The following RIMS2 variants were observed in gnomAD, a reference collection of about 807,000 sequenced individuals.
The protein encoded by RIMS2 is regulating synaptic membrane exocytosis protein 2.
RIMS2 carries 59 observed loss-of-function variants against 174.4 expected under a neutral mutation model. The ratio of observed to expected loss-of-function variants is 0.34; its 90% CI spans 0.27 to 0.42. The LOEUF (loss-of-function observed/expected upper bound fraction) is 0.42, where lower values mean the gene tolerates loss of function less well. RIMS2 is among the 10% of genes least tolerant of loss of function. The probability of loss-of-function intolerance (pLI) is 1.00; values close to 1 mark genes in which losing one functional copy is unlikely to be tolerated. For synonymous variants in RIMS2, 606 were observed against 572.5 expected (o/e 1.06, Z -0.84); for missense variants, 1,620 against 1,666.3 (o/e 0.97, Z 0.48).
In RIMS2 at chr8:103,589,009, G is replaced by A. The variant is rs1251498996; in HGVS notation, c.176+87947G>A. 2.4e-4 allele frequency among the ~76,000 whole-genome samples: 37 copies of A among 151,276 alleles called. 1 individual carries two copies. Among genetic ancestry groups the A allele is most frequent in the Admixed American group, 2.4e-3 (37 of 15,174 alleles). Reference sequence around the variant, plus strand: ...GGGAGAAAATATTTGCAAACTACCCGTTTTCACCACTGTGATTCAACATAG... The same window carrying A: ...GGGAGAAAATATTTGCAAACTACCCATTTTCACCACTGTGATTCAACATAG... On this transcript the variant is annotated intron_variant, in intron 1 of 23. Transcript: ENST00000504942.
In RIMS2 at chr8:103,881,687, A is replaced by C. The variant is rs970542359; in HGVS notation, c.699-3611A>C. ...AGCTAGAATATTTAGAAATAGATTGAATAGTCCACATGACAAACAATTGTA... is the reference window on the plus strand; with the variant it reads ...AGCTAGAATATTTAGAAATAGATTGCATAGTCCACATGACAAACAATTGTA... On this transcript the variant is annotated intron_variant, in intron 3 of 23. Transcript: ENST00000504942. Among the ~76,000 whole-genome samples the C allele has an allele frequency of 4.6e-5, 7 of 151,522 alleles. 1 individual carries two copies. In the South Asian group the frequency reaches 1.5e-3, roughly 31 times the overall value.
At chr8:103,652,692 A>C (rs771564979) in intron 1 of RIMS2, 3 of 1,349,954 alleles carry the variant, frequency 2.2e-6, no homozygotes, top group South Asian at 1.1e-5. Context: ...AAACAACAAA[A>C]TGAAAAGGAG....
intron 19 of RIMS2, among the ~76,000 whole-genome samples, chr8:104,219,379 G>T (rs772731037): frequency 6.6e-6 from 1 of 152,050 alleles, no homozygotes; most frequent in Non-Finnish European, 1.5e-5. Context: ...TTTGAGTCTT[G>T]CTCTGCCACT....
intron 4 of RIMS2, among the ~76,000 whole-genome samples, chr8:103,892,441 C>G (rs748291009): frequency 1.3e-5 from 2 of 151,748 alleles, no homozygotes; most frequent in Non-Finnish European, 2.9e-5. Context: ...TGGGCTCCAG[C>G]AATCCTCCTG....
At chr8:103,920,749 G>A in intron 9 of RIMS2, 2 of 454,558 alleles carry the variant, frequency 4.4e-6, no homozygotes, top group Middle Eastern at 3.3e-4. Flanking sequence ...CAGCACTTTG[G>A]GAGGCCGAGG....
rs1590581354 is a variant in RIMS2 at position 103,696,964 on chromosome 8, T to G, written c.177-122T>G. The G allele has an allele frequency of 9.5e-6, 6 of 634,522 alleles. No homozygotes were observed. The East Asian group carries it at 1.7e-4, about 17-fold the overall frequency. The allele number at this position is 634,522 out of a possible 1,614,324, so 39.3% of individuals were successfully genotyped here. ...AATTTATCATCAGAAAATTAAATTT[T>G]CATTCTTTTTATTCTCATCTTGTAT... On this transcript the variant is annotated intron_variant, in intron 1 of 23. Transcript: ENST00000504942.
At chr8:104,164,718 A>G (rs1377125255) in intron 19 of RIMS2, among the ~76,000 whole-genome samples, 1 of 152,158 alleles carries the variant, frequency 6.6e-6, no homozygotes, top group African/African-American at 2.4e-5. Context: ...ACCAAATACC[A>G]CATGTTCTTA....
At chr8:103,679,802 AG>A (rs2096857536) in intron 1 of RIMS2, among the ~76,000 whole-genome samples, 1 of 152,038 alleles carries the variant, frequency 6.6e-6, no homozygotes, top group Non-Finnish European at 1.5e-5. Context: ...TTGTAATAAA[AG>A]TTTTAAACTA....
intron 19 of RIMS2, among the ~76,000 whole-genome samples, chr8:104,119,316 G>A (rs933667108): frequency 3.9e-5 from 6 of 151,932 alleles, no homozygotes; most frequent in South Asian, 2.1e-4. Flanking sequence ...AGCCGAGATC[G>A]CGCCATTGCA....
At chr8:104,249,170 C>T (rs562284524) in intron 21 of RIMS2, among the ~76,000 whole-genome samples, 6 of 151,824 alleles carry the variant, frequency 4.0e-5, no homozygotes, top group Non-Finnish European at 5.9e-5. Flanking sequence ...TGGCCTCAAG[C>T]GATCCTCCTG....
At chr8:104,049,420 C>T (rs993300864) in intron 19 of RIMS2, among the ~76,000 whole-genome samples, 5 of 152,112 alleles carry the variant, frequency 3.3e-5, no homozygotes, top group Non-Finnish European at 7.4e-5. Context: ...GCGGAGACTC[C>T]ATCTCAAAAA....
intron 1 of RIMS2, among the ~76,000 whole-genome samples, chr8:103,591,448 G>C (rs940945682): frequency 4.0e-5 from 6 of 150,826 alleles, no homozygotes; most frequent in Non-Finnish European, 8.9e-5. Flanking sequence ...AAAATTCTAT[G>C]ATTATTGTCT....
intron 3 of RIMS2, among the ~76,000 whole-genome samples, chr8:103,848,227 C>CT (rs2098978327): frequency 6.6e-6 from 1 of 152,040 alleles, no homozygotes; most frequent in South Asian, 2.1e-4. Flanking sequence ...CTTCTCATTA[C>CT]TTTATTTCAA....
chr8:104,211,554 G>A (rs1002510852), intron 19 of RIMS2, among the ~76,000 whole-genome samples: 1 of 147,430 alleles, frequency 6.8e-6, no homozygotes, highest in African/African-American at 2.5e-5. Context: ...TTCGTGACAT[G>A]ACCCAATGTG....
intron 20 of RIMS2, 117 bp downstream of exon 26, chr8:104,245,174 G>A: frequency 2.0e-6 from 2 of 1,007,400 alleles, no homozygotes; most frequent in Non-Finnish European, 1.5e-6. Context: ...ATTTTCACTG[G>A]CTGATTTCCT....
chr8:103,937,488 A>C (rs1270368116), intron 13 of RIMS2, among the ~76,000 whole-genome samples: 1 of 152,208 alleles, frequency 6.6e-6, no homozygotes, highest in East Asian at 1.9e-4. Flanking sequence ...GTAAATAAGG[A>C]GTGTTACTTA....
At chr8:104,235,907 T>G (rs773239664) in intron 19 of RIMS2, among the ~76,000 whole-genome samples, 1 of 152,098 alleles carries the variant, frequency 6.6e-6, no homozygotes, top group Admixed American at 6.6e-5. Context: ...TTTAAAGCTT[T>G]TTGTTGTTTT....
At chr8:103,903,510 T>A (rs1453067971) in intron 4 of RIMS2, among the ~76,000 whole-genome samples, 1 of 152,158 alleles carries the variant, frequency 6.6e-6, no homozygotes, top group African/African-American at 2.4e-5. Flanking sequence ...TATGAACATT[T>A]TTTCTCTGTG....
At chr8:103,778,081 A>G (rs947109690) in intron 3 of RIMS2, among the ~76,000 whole-genome samples, 1 of 152,066 alleles carries the variant, frequency 6.6e-6, no homozygotes, top group Non-Finnish European at 1.5e-5. Flanking sequence ...ATAGGTTAGA[A>G]GTAAAAAAAT....
Sources: allele counts gnomAD v4.1 joint callset (sites outside exome capture counted in the v4.1 genomes callset), GRCh38; gene constraint gnomAD v4.1.1; transcripts MANE v1.5; gene names NCBI Gene and HGNC (gene_info 2026-07-23, HGNC 2026-07-21).